Variants in MTHFS observed in about 807,000 individuals in gnomAD.
MTHFS encodes methenyltetrahydrofolate synthetase.
Under a neutral mutation model 12.7 loss-of-function variants are expected in MTHFS, and 7 were observed. The ratio of observed to expected loss-of-function variants is 0.55; its 90% CI spans 0.31 to 1.03. MTHFS has a LOEUF of 1.03. MTHFS is among the 50% of genes least tolerant of loss of function. MTHFS has a pLI of 0.05. For synonymous variants in MTHFS, 100 were observed against 97.1 expected (o/e 1.03, Z -0.18); for missense variants, 252 against 258.1 (o/e 0.98, Z 0.16).
At chr15:79,858,268 T>C (rs2033847430) in intron 2 of MTHFS, among the ~76,000 whole-genome samples, 1 of 152,110 alleles carries the variant, frequency 6.6e-6, no homozygotes, top group Non-Finnish European at 1.5e-5. Context: ...AAAGAGATTA[T>C]TAAATAATAG....
chr15:79,858,034 A>C (rs1172357707), intron 2 of MTHFS, among the ~76,000 whole-genome samples: 1 of 151,544 alleles, frequency 6.6e-6, no homozygotes, highest in Non-Finnish European at 1.5e-5. Flanking sequence ...AAAAAAAAAA[A>C]ACATAATCCT....
intron 2 of MTHFS, among the ~76,000 whole-genome samples, chr15:79,862,904 C>CA (rs552602634): frequency 6.6e-4 from 100 of 152,190 alleles, no homozygotes; most frequent in Non-Finnish European, 9.7e-4. Context: ...GGGCACACCC[C>CA]AAGACCATAC....
At chr15:79,872,643 T>C (rs1272621697) in intron 2 of MTHFS, among the ~76,000 whole-genome samples, 1 of 152,228 alleles carries the variant, frequency 6.6e-6, no homozygotes, top group African/African-American at 2.4e-5. Context: ...TTGAGGTTAT[T>C]TAGAACTTTC....
chr15:79,873,795 A>T (rs2034144494), intron 2 of MTHFS, among the ~76,000 whole-genome samples: 1 of 152,222 alleles, frequency 6.6e-6, no homozygotes, highest in African/African-American at 2.4e-5. Flanking sequence ...GGGCTTTGTG[A>T]GCTAAACATA....
At chr15:79,871,132 G>C (rs1348296779) in intron 2 of MTHFS, among the ~76,000 whole-genome samples, 1 of 152,022 alleles carries the variant, frequency 6.6e-6, no homozygotes, top group Non-Finnish European at 1.5e-5. Context: ...AACAGAGTGA[G>C]ACTCTGTCTC....
chr15:79,851,279 T>C (rs959592843), intron 2 of MTHFS, among the ~76,000 whole-genome samples: 1 of 152,160 alleles, frequency 6.6e-6, no homozygotes, highest in Non-Finnish European at 1.5e-5. Context: ...GTCCATTAAG[T>C]AGTAGGAATC....
In MTHFS at chr15:79,893,181, G is replaced by T. The variant is rs150353602; in HGVS notation, c.117+3691C>A. 1.8e-3 allele frequency among the ~76,000 whole-genome samples: 266 copies of T among 151,990 alleles called. 7 individuals carry two copies. The East Asian group carries it at 0.04, about 23-fold the overall frequency. ...GCACTTTGGCAGGCCGAGGCAGGTG[G>T]ATCATGAGGTCAGGAGTTCAACATC... On this transcript the variant is annotated intron_variant, in intron 1 of 2. Coordinates refer to ENST00000258874, the MANE Select transcript of MTHFS (RefSeq NM_006441.4).
At chr15:79,889,482 G>C (rs939950370) in intron 1 of MTHFS, 128 bp from the exon 2 acceptor site, 1 of 1,358,406 alleles carries the variant, frequency 7.4e-7, no homozygotes, top group Admixed American at 2.8e-5. Context: ...AAAGGGGGGG[G>C]GACCAGAGTG....
intron 1 of MTHFS, among the ~76,000 whole-genome samples, chr15:79,895,815 C>T (rs1281381488): frequency 1.3e-5 from 2 of 152,290 alleles, no homozygotes; most frequent in East Asian, 3.9e-4. Flanking sequence ...TTAAGAAAGC[C>T]TGATGGTATA....
chr15:79,874,000 G>C (rs1390392720), intron 2 of MTHFS, among the ~76,000 whole-genome samples: 1 of 152,184 alleles, frequency 6.6e-6, no homozygotes, highest in Non-Finnish European at 1.5e-5. Context: ...GCTTGGCAGA[G>C]AGTAACAGCC....
chr15:79,881,125 C>T (rs1034455578), intron 2 of MTHFS, among the ~76,000 whole-genome samples: 2 of 152,118 alleles, frequency 1.3e-5, no homozygotes, highest in Admixed American at 6.5e-5. Context: ...AACATAGAAA[C>T]CTAATAGACA....
chr15:79,871,034 T>C (rs147840394), intron 2 of MTHFS, among the ~76,000 whole-genome samples: 2,500 of 152,118 alleles, frequency 0.016, 81 homozygotes, highest in African/African-American at 0.057. Context: ...TCCCAGCTAC[T>C]GGGGAGGCTG....
intron 2 of MTHFS, among the ~76,000 whole-genome samples, chr15:79,879,223 A>C (rs2034253279): frequency 6.6e-6 from 1 of 152,100 alleles, no homozygotes; most frequent in Non-Finnish European, 1.5e-5. Flanking sequence ...AGGTAACTGC[A>C]GAGAAAGTTA....
chr15:79,891,508 G>T lies in MTHFS; in HGVS notation c.118-2154C>A, dbSNP rs898335832. On this transcript the variant is annotated intron_variant, in intron 1 of 2. Coordinates refer to ENST00000258874, the MANE Select transcript of MTHFS (RefSeq NM_006441.4). ...TCAGGGAATTATGAAATAATCAATGGAAACTAAAATTGTGATTAGCAAAAT... is the reference window on the plus strand; with the variant it reads ...TCAGGGAATTATGAAATAATCAATGTAAACTAAAATTGTGATTAGCAAAAT... Among the ~76,000 whole-genome samples, 15 of 152,202 alleles carry T rather than the reference G, an allele frequency of 9.9e-5. 1 individual carries two copies. Among genetic ancestry groups the T allele is most frequent in the African/African-American group, 1.9e-4 (8 of 41,530 alleles).
At position 79,857,887 on chromosome 15, in the gene MTHFS, G is replaced by T. The variant is rs1010553217; in HGVS notation, c.380-12445C>A. ...AAAAATTAGCTGGGCATGGTGGCGC[G>T]TGCCTGTAATCCCAGTTACTCAAGA... On this transcript the variant is annotated intron_variant, in intron 2 of 2. Transcript: ENST00000258874. 2.0e-5 allele frequency among the ~76,000 whole-genome samples: 3 copies of T among 151,956 alleles called. No individual in the cohort carries two copies. The South Asian group carries it at 6.2e-4, about 32-fold the overall frequency.
At position 79,896,943 on chromosome 15, in the gene MTHFS, C is replaced by A. The variant is rs1413606064; in HGVS notation, c.46G>T (p.Glu16Ter). 1.3e-6 allele frequency: 2 copies of A among 1,538,802 alleles called. No individual in the cohort carries two copies. Among genetic ancestry groups the A allele is most frequent in the Admixed American group, 2.0e-5 (1 of 50,924 alleles). ...ATCGCCCGCAGACGCTGCTTCAGCT[C>A]TCCCCGCAGGCTCCGCTTGGCGCTG... ...VSSAKRSLRG[E>*]LKQRLRAMSA... Residue 16 changes from glutamate (E) to a stop codon, truncating the protein, a stop_gained, in exon 1 of 3, where the codon GAG becomes TAG. Coordinates refer to ENST00000258874, the MANE Select transcript of MTHFS (RefSeq NM_006441.4). LOFTEE classifies it high-confidence loss of function.
At chr15:79,880,101 G>A (rs913819877) in intron 2 of MTHFS, among the ~76,000 whole-genome samples, 13 of 151,870 alleles carry the variant, frequency 8.6e-5, no homozygotes, top group African/African-American at 1.5e-4. Context: ...ACGGAGTCTC[G>A]CTCTGTCGCC....
chr15:79,852,258 ACCT>A lies in MTHFS; in HGVS notation c.380-6819_380-6817del, dbSNP rs756855899. On this transcript the variant is annotated intron_variant, in intron 2 of 2. Transcript: ENST00000258874. The stretch of plus-strand genomic sequence containing the variant: ...CTTAGAAAGAACAGACTGAAGCACA[ACCT>A]CCTTGAATCACTCTTCATATAAAAC... 5.0e-4 allele frequency among the ~76,000 whole-genome samples: 76 copies of A among 152,274 alleles called. 1 individual carries two copies. Among genetic ancestry groups the A allele is most frequent in the Non-Finnish European group, 9.0e-4 (61 of 68,016 alleles).
intron 2 of MTHFS, among the ~76,000 whole-genome samples, chr15:79,849,843 A>G (rs1030263168): frequency 1.3e-5 from 2 of 152,184 alleles, no homozygotes; most frequent in Non-Finnish European, 2.9e-5. Context: ...TACCTTTCCA[A>G]TGTGATCTTG....
Sources: gnomAD v4.1 joint callset for allele counts (sites outside exome capture counted in the v4.1 genomes callset) on GRCh38, gnomAD v4.1.1 for gene constraint, MANE v1.5 for transcripts, NCBI Gene and HGNC (gene_info 2026-07-23, HGNC 2026-07-21) for gene names.